The following BEND3 variants were observed in gnomAD, a reference collection of about 807,000 sequenced individuals.
BEND3 encodes BEN domain-containing protein 3.
A neutral mutation model predicts 60.1 loss-of-function variants in BEND3; 13 were observed. The ratio of observed to expected loss-of-function variants is 0.22; its 90% confidence interval spans 0.14 to 0.34. The LOEUF is 0.34. BEND3 is among the 10% of genes least tolerant of loss of function. BEND3 has a pLI of 1.00. For synonymous variants in BEND3, 497 were observed against 491.5 expected, an observed-to-expected ratio of 1.01 and a Z score of -0.15; for missense variants, 896 against 1,138.1, an observed-to-expected ratio of 0.79 and a Z score of 3.06.
intron 3 of BEND3, among the ~76,000 whole-genome samples, chr6:107,077,323 A>G (rs1775120711): frequency 6.6e-6 from 1 of 152,052 alleles, no homozygotes; most frequent in African/African-American, 2.4e-5. Context: ...TAAGTTGCCT[A>G]TGTTCACAGG....
rs541727388 is a variant in BEND3, at chr6:107,088,408, A to G, written c.240+10143T>C. 1.2e-4 allele frequency among the ~76,000 whole-genome samples: 19 copies of G among 152,324 alleles called. No homozygotes were observed. In the South Asian group the frequency reaches 3.9e-3, roughly 32 times the overall value. ...ATGGAAAGAGAAAAAGGAACAGAAG[A>G]AATATTTGAAACCACAATGACTGAG... On this transcript the variant is annotated intron_variant, in intron 3 of 3. Transcript: ENST00000369042.
intron 3 of BEND3, among the ~76,000 whole-genome samples, chr6:107,097,808 A>C (rs1022070882): frequency 1.1e-4 from 16 of 151,292 alleles, no homozygotes; most frequent in Non-Finnish European, 2.2e-4. Flanking sequence ...AAAAAAAAAA[A>C]AAAAAAACCC....
At position 107,099,237 on chromosome 6, in the gene BEND3, T is replaced by A. The variant is rs76155944; in HGVS notation, c.37+12A>T. ...TTAAAAACATTTTTCAAAAAGGGCA[T>A]TTTTTTTTTACCTTCTTCTACATCT... On this transcript the variant is annotated intron_variant, in intron 2 of 3. Coordinates refer to ENST00000369042, the MANE Select transcript of BEND3 (RefSeq NM_001367314.1). The A allele has an allele frequency of 2.4e-6, 3 of 1,267,714 alleles. No individual in the cohort carries two copies. The Admixed American group carries it at 6.6e-5, about 28-fold the overall frequency. 78.5% of individuals were successfully genotyped at this position (1,267,714 alleles called of 1,614,324 possible). A position where few individuals can be genotyped will look rare whatever the true frequency, so the allele number is the denominator to read the frequency against.
At chr6:107,093,822 C>G (rs576371227) in intron 3 of BEND3, among the ~76,000 whole-genome samples, 11 of 152,234 alleles carry the variant, frequency 7.2e-5, no homozygotes, top group Admixed American at 3.3e-4. Context: ...CATAGATGAC[C>G]TTGGGTTTGG....
Position 107,070,650 on chromosome 6 carries a change from T to G in BEND3, c.541A>C (p.Ser181Arg), listed in dbSNP as rs781815701. The G allele has an allele frequency of 2.6e-5, 42 of 1,612,354 alleles. No homozygotes were observed. In the South Asian group the frequency reaches 4.4e-4, roughly 17 times the overall value. ...LNEPQKRDCG[S>R]TGAGTDNDPN... ...TCGTTGTCAGTGCCTGCCCCGGTGC[T>G]GCCACAGTCCCGCTTCTGTGGCTCA... Residue 181 changes from serine to arginine, a missense_variant, in exon 4 of 4, where the codon AGC becomes CGC. Transcript: ENST00000369042. This position sits in a 1 kb window ranked among gnomAD's most constrained non-coding sequence, Gnocchi z 6.9.
At chr6:107,089,309 T>C (rs1228596269) in intron 3 of BEND3, among the ~76,000 whole-genome samples, 1 of 152,056 alleles carries the variant, frequency 6.6e-6, no homozygotes, top group Non-Finnish European at 1.5e-5. Context: ...AAGATTTTAT[T>C]TTTTTTCTCA....
chr6:107,074,713 C>G (rs1387777873), intron 3 of BEND3, among the ~76,000 whole-genome samples: 2 of 152,040 alleles, frequency 1.3e-5, no homozygotes, highest in Non-Finnish European at 2.9e-5. Context: ...ATACACACAC[C>G]AGAAAGGAAG....
At chr6:107,093,713 A>C (rs1365205868) in intron 3 of BEND3, among the ~76,000 whole-genome samples, 1 of 152,222 alleles carries the variant, frequency 6.6e-6, no homozygotes, top group Non-Finnish European at 1.5e-5. Flanking sequence ...ATCTAGACAT[A>C]GTCCTTACAC....
rs183016583 is a variant in BEND3, at chr6:107,094,059, T to C, written c.240+4492A>G. Reference sequence around the variant, plus strand: ...ATGAAGAACTCTTAAAATTCAACAATAAAAACAAAACCCAATTTTAAAATG... The same window carrying C: ...ATGAAGAACTCTTAAAATTCAACAACAAAAACAAAACCCAATTTTAAAATG... On this transcript the variant is annotated intron_variant, in intron 3 of 3. Transcript: ENST00000369042. 1.1e-3 allele frequency among the ~76,000 whole-genome samples: 171 copies of C among 152,188 alleles called. 1 individual carries two copies. The highest frequency in any genetic ancestry group is 4.0e-3 in the African/African-American group (166 of 41,542).
Position 107,115,220 on chromosome 6 carries a change from C to T in BEND3, c.-142G>A, listed in dbSNP as rs1173798930. On this transcript the variant is annotated 5_prime_UTR_variant, in exon 1 of 4. Coordinates refer to ENST00000369042, the MANE Select transcript of BEND3 (RefSeq NM_001367314.1). ...CTGGCCAGGGCGGCCCGGGGAGGCGCTGGGGGCGGCGGGCGGGCGAGCGCC... is the reference window on the plus strand; with the variant it reads ...CTGGCCAGGGCGGCCCGGGGAGGCGTTGGGGGCGGCGGGCGGGCGAGCGCC... 1 of 148,824 alleles carries T rather than the reference C, an allele frequency of 6.7e-6. No homozygotes were observed. Among genetic ancestry groups the T allele is most frequent in the African/African-American group, 2.4e-5 (1 of 40,932 alleles). 9.2% of individuals were successfully genotyped at this position (148,824 alleles called of 1,614,324 possible).
chr6:107,094,386 C>G (rs557948445), intron 3 of BEND3, among the ~76,000 whole-genome samples: 135 of 152,056 alleles, frequency 8.9e-4, no homozygotes, highest in African/African-American at 3.1e-3. Flanking sequence ...ACTTTGGAGG[C>G]TGAGGGGGGT....
At chr6:107,110,747 G>A (rs1554238269) in intron 1 of BEND3, among the ~76,000 whole-genome samples, 1 of 152,042 alleles carries the variant, frequency 6.6e-6, no homozygotes, top group Non-Finnish European at 1.5e-5. Context: ...TAGATACGAG[G>A]TTTCGCGATG....
At chr6:107,101,434 C>T (rs1431107730) in intron 1 of BEND3, among the ~76,000 whole-genome samples, 1 of 152,096 alleles carries the variant, frequency 6.6e-6, no homozygotes, top group African/African-American at 2.4e-5. Context: ...ATGTGAAGCA[C>T]TATTTTTAGT....
chr6:107,099,707 C>G (rs148071831), intron 1 of BEND3, among the ~76,000 whole-genome samples: 2 of 152,126 alleles, frequency 1.3e-5, no homozygotes, highest in African/African-American at 4.8e-5. Flanking sequence ...TTAGGACTTA[C>G]GGTTGTCAAG....
rs1468049445 is a variant in BEND3 at position 107,098,682 on chromosome 6, T to C, written c.109A>G (p.Arg37Gly). The C allele has an allele frequency of 1.2e-6, 2 of 1,614,130 alleles. No individual in the cohort carries two copies. The highest frequency in any genetic ancestry group is 2.2e-5 in the East Asian group (1 of 44,892). Residue 37 changes from arginine (R) to glycine (G), a missense_variant, in exon 3 of 4, where the codon AGG becomes GGG. Arg to Gly is a moderately radical substitution (Grantham distance 125). This residue lies in a region of BEND3 where 846 missense variants were observed against 1,036.7 expected (regional missense o/e 0.82). Transcript: ENST00000369042. ...DAALDCSVNSRTSEKHSVDSV... is the reference protein window; with the variant it reads ...DAALDCSVNSGTSEKHSVDSV... The stretch of plus-strand genomic sequence containing the variant: ...TCCACAGAGTGCTTCTCAGAAGTCC[T>C]GGAATTCACGGAGCAGTCCAGAGCA...
In BEND3 at chr6:107,099,235, C is replaced by T; in HGVS notation, c.37+14G>A. 1 of 1,520,716 alleles carries T rather than the reference C, an allele frequency of 6.6e-7. No individual in the cohort carries two copies. Among genetic ancestry groups the T allele is most frequent in the South Asian group, 1.1e-5 (1 of 89,772 alleles). 94.2% of individuals were successfully genotyped at this position (1,520,716 alleles called of 1,614,324 possible). A position where few individuals can be genotyped will look rare whatever the true frequency, so the allele number is the denominator to read the frequency against. ...AGTTAAAAACATTTTTCAAAAAGGG[C>T]ATTTTTTTTTTACCTTCTTCTACAT... On this transcript the variant is annotated intron_variant, in intron 2 of 3. Transcript: ENST00000369042.
chr6:107,111,073 G>A (rs574435641), intron 1 of BEND3, among the ~76,000 whole-genome samples: 2 of 152,126 alleles, frequency 1.3e-5, no homozygotes, highest in Admixed American at 6.5e-5. Flanking sequence ...GCTGAGGTGG[G>A]AGGATCGCTT....
rs782808924 is a variant in BEND3 at position 107,070,404 on chromosome 6, C to G, written c.787G>C (p.Gly263Arg). The change falls in exon 4 of 4, where the codon GGG becomes CGG. Residue 263 changes from glycine (G) to arginine (R), a missense_variant. Gly to Arg is a moderately radical substitution (Grantham distance 125). Transcript: ENST00000369042. This position sits in a 1 kb window ranked among gnomAD's most constrained non-coding sequence, Gnocchi z 6.9. ...LKQIVDQSLS[G>R]GDLACRLLVQ... is the part of the protein sequence containing the mutation. ...AGCAAGCGGCAGGCCAGGTCCCCCC[C>G]TGACAGGCTCTGGTCCACGATCTGC... 1.4e-5 allele frequency: 23 copies of G among 1,613,794 alleles called. No individual in the cohort carries two copies. The Admixed American group carries it at 2.0e-4, about 14-fold the overall frequency.
chr6:107,092,145 T>C (rs1775490078), intron 3 of BEND3, among the ~76,000 whole-genome samples: 1 of 152,028 alleles, frequency 6.6e-6, no homozygotes, highest in East Asian at 1.9e-4. Flanking sequence ...TAGTCTCAGC[T>C]ACTCGGGAGG....
Sources: gnomAD v4.1 joint callset for allele counts (sites outside exome capture counted in the v4.1 genomes callset) on GRCh38, gnomAD v4.1.1 for gene constraint, gnomAD v4.1.1 regional missense constraint, Gnocchi (gnomAD v3.1) non-coding constraint, MANE v1.5 for transcripts, NCBI Gene and HGNC (gene_info 2026-07-23, HGNC 2026-07-21) for gene names.